The following TMEM165 variants were observed in gnomAD, a reference collection of about 807,000 sequenced individuals.
TMEM165 encodes the protein transmembrane protein 165.
In TMEM165, 19 loss-of-function variants were observed where a neutral mutation model predicts 30.0. The ratio of observed to expected loss-of-function variants is 0.63; its 90% confidence interval spans 0.44 to 0.93. TMEM165 has a LOEUF of 0.93. Ranked by LOEUF, TMEM165 falls within the 40% of genes least tolerant of loss-of-function variation. TMEM165 has a pLI of 0.00. For synonymous variants in TMEM165, 168 were observed against 162.9 expected (o/e 1.03, Z -0.24); for missense variants, 340 against 417.0 (o/e 0.82, Z 1.61).
chr4:55,424,773 T>TAAGA, intron 5 of TMEM165, 130 bp downstream of exon 5: 1 of 658,054 alleles, frequency 1.5e-6, no homozygotes, highest in Non-Finnish European at 2.6e-6. Flanking sequence ...CCATCTCTTA[T>TAAGA]AGAGGTATTA....
intron 3 of TMEM165, chr4:55,442,175 AGT>A: frequency 2.2e-6 from 1 of 456,902 alleles, no homozygotes; most frequent in East Asian, 4.1e-5. Flanking sequence ...CTTTTCTAAC[AGT>A]GTGCTGCAGA....
intron 4 of TMEM165, among the ~76,000 whole-genome samples, chr4:55,420,480 T>C (rs534554269): frequency 6.6e-6 from 1 of 151,952 alleles, no homozygotes; most frequent in East Asian, 2.0e-4. Context: ...CATTTTCTCA[T>C]CCAAAAATGG....
Position 55,420,146 on chromosome 4 carries a change from T to TATATATA in TMEM165, c.792+2161_792+2162insATATATA, listed in dbSNP as rs375498267. Among the ~76,000 whole-genome samples, 296 of 41,352 alleles carry TATATATA rather than the reference T, an allele frequency of 7.2e-3. 21 individuals are homozygous for TATATATA. The highest frequency in any genetic ancestry group is 0.017 in the Middle Eastern group (1 of 58). 27.1% of individuals were successfully genotyped at this position (41,352 alleles called of 152,430 possible). A position where few individuals can be genotyped will look rare whatever the true frequency, so the allele number is the denominator to read the frequency against. On this transcript the variant is annotated intron_variant, in intron 4 of 5. Coordinates refer to ENST00000381334, the MANE Select transcript of TMEM165 (RefSeq NM_018475.5). Reference sequence around the variant, plus strand: ...ACATATATATTTATTTATTTATTTATTTTATTTATTTATTTAATGGCTGTA... The same window carrying TATATATA: ...ACATATATATTTATTTATTTATTTATATATATATTTATTTATTTATTTAATGGCTGTA...
chr4:55,441,108 G>C (rs576164405), intron 3 of TMEM165, among the ~76,000 whole-genome samples: 4 of 152,152 alleles, frequency 2.6e-5, no homozygotes, highest in Non-Finnish European at 5.9e-5. Context: ...CCTTGGGGAA[G>C]GAACGATGCC....
At chr4:55,397,242 T>A (rs1481054065) in intron 1 of TMEM165, 1 of 152,232 alleles carries the variant, frequency 6.6e-6, no homozygotes, top group Non-Finnish European at 1.5e-5. Context: ...TCCCGAACAT[T>A]GAATTCTGCC....
chr4:55,404,119 C>T (rs1721172782), intron 1 of TMEM165, among the ~76,000 whole-genome samples: 1 of 149,972 alleles, frequency 6.7e-6, no homozygotes, highest in African/African-American at 2.5e-5. Flanking sequence ...TCTTGGCACA[C>T]TGCAACCTCA....
At chr4:55,450,832 T>C (rs1724376688) in intron 3 of TMEM165, among the ~76,000 whole-genome samples, 1 of 151,596 alleles carries the variant, frequency 6.6e-6, no homozygotes, top group Admixed American at 6.6e-5. Flanking sequence ...TAAAACTACA[T>C]AACTCTTACA....
chr4:55,447,654 T>A (rs17085729), intron 3 of TMEM165, among the ~76,000 whole-genome samples: 2,572 of 152,258 alleles, frequency 0.017, 69 homozygotes, highest in African/African-American at 0.059. Context: ...AATATCCCCA[T>A]AACATGTTAA....
downstream of TMEM165, chr4:55,427,855 C>T (rs115532203): frequency 6.6e-6 from 1 of 152,074 alleles, no homozygotes; most frequent in African/African-American, 2.4e-5. Flanking sequence ...AGGTAAAAAT[C>T]GCTACTGCAA....
In TMEM165 at chr4:55,417,186, C is replaced by T; in HGVS notation, c.548C>T (p.Pro183Leu). Reference protein sequence around the residue: ...RMLREGLKMSPDEGQEELEEV... With the variant: ...RMLREGLKMSLDEGQEELEEV... The stretch of plus-strand genomic sequence containing the variant: ...CTTCGGGAAGGCTTAAAGATGAGCC[C>T]TGATGAGGGTCAAGAGGAACTGGAA... The change falls in exon 3 of 6, where the codon CCT becomes CTT. Residue 183 changes from proline to leucine, a missense_variant. Around this residue, in one of 2 missense-constraint regions of TMEM165, gnomAD observed 220 missense variants for 307.6 expected, o/e 0.72. Transcript: ENST00000381334. 19 of 1,613,908 alleles carry T rather than the reference C, an allele frequency of 1.2e-5. No homozygotes were observed. Among genetic ancestry groups the T allele is most frequent in the Non-Finnish European group, 1.6e-5 (19 of 1,180,002 alleles).
chr4:55,452,887 A>G (rs1577706443), exon 4 of TMEM165: 1 of 531,782 alleles, frequency 1.9e-6, no homozygotes, highest in Admixed American at 3.3e-5. Flanking sequence ...GAGGCAGGTG[A>G]GACTCTAAAA....
Position 55,403,491 on chromosome 4 carries a change from TC to T in TMEM165, c.207+7096del, listed in dbSNP as rs1460863228. Among the ~76,000 whole-genome samples, 195 of 95,682 alleles carry T rather than the reference TC, an allele frequency of 2.0e-3. 2 individuals are homozygous for T. Among genetic ancestry groups the T allele is most frequent in the Non-Finnish European group, 3.2e-3 (156 of 48,684 alleles). The allele number at this position is 95,682 out of a possible 152,430, so 62.8% of individuals were successfully genotyped here. Reference sequence around the variant, plus strand: ...TACTTTCTAAATGAGGGTGCCTTTTTCTTTTTCTTTTTTTTTTTTTTACAAT... The same window carrying T: ...TACTTTCTAAATGAGGGTGCCTTTTTTTTTTCTTTTTTTTTTTTTTACAAT... On this transcript the variant is annotated intron_variant, in intron 1 of 5. Coordinates refer to ENST00000381334, the MANE Select transcript of TMEM165 (RefSeq NM_018475.5).
Position 55,448,599 on chromosome 4 carries a change from CGCGTGTGTGTGTGTGT to C in TMEM165, c.409-3638_409-3623del, listed in dbSNP as rs1425583887. 7.6e-3 allele frequency among the ~76,000 whole-genome samples: 804 copies of C among 105,660 alleles called. 4 individuals are homozygous for C. Among genetic ancestry groups the C allele is most frequent in the South Asian group, 0.014 (43 of 3,116 alleles). 69.3% of individuals were successfully genotyped at this position (105,660 alleles called of 152,430 possible). ...TTATATATGTGCGCGCGCGCACGCG[CGCGTGTGTGTGTGTGT>C]GTGTGTGTGTGTGTGTGTGTGTGTG... On this transcript the variant is annotated intron_variant, in intron 3 of 3. Transcript: ENST00000608091.
chr4:55,443,635 G>T, intron 3 of TMEM165: 1 of 1,353,546 alleles, frequency 7.4e-7, no homozygotes, highest in Non-Finnish European at 1.1e-6. Context: ...CAGCAATAGT[G>T]TGCCTTCCAA....
chr4:55,412,998 G>C (rs1377859703), intron 2 of TMEM165, among the ~76,000 whole-genome samples: 1 of 151,090 alleles, frequency 6.6e-6, no homozygotes, highest in Non-Finnish European at 1.5e-5. Context: ...TTTTTTTTTA[G>C]AGACTGAGTC....
chr4:55,413,608 C>G (rs1468609966), intron 2 of TMEM165, among the ~76,000 whole-genome samples: 1 of 152,244 alleles, frequency 6.6e-6, no homozygotes, highest in Non-Finnish European at 1.5e-5. Context: ...AGCTACCACG[C>G]CTGGCCCCTG....
At chr4:55,404,168 C>G (rs1392340062) in intron 1 of TMEM165, among the ~76,000 whole-genome samples, 16 of 150,844 alleles carry the variant, frequency 1.1e-4, no homozygotes, top group African/African-American at 3.9e-4. Flanking sequence ...TGCGCCACCA[C>G]GCCTGGCTAT....
chr4:55,412,618 C>A (rs1475392317), intron 2 of TMEM165: 2 of 151,560 alleles, frequency 1.3e-5, no homozygotes, highest in African/African-American at 4.8e-5. Flanking sequence ...TAAATTTTTG[C>A]TTCAAAATTT....
intron 3 of TMEM165, among the ~76,000 whole-genome samples, chr4:55,437,134 G>A (rs181486550): frequency 1.2e-3 from 183 of 152,252 alleles, no homozygotes; most frequent in African/African-American, 4.3e-3. Flanking sequence ...CTAAAAGACT[G>A]TATGACTCTC....
Sources: gnomAD v4.1 joint callset for allele counts (sites outside exome capture counted in the v4.1 genomes callset) on GRCh38, gnomAD v4.1.1 for gene constraint, gnomAD v4.1.1 regional missense constraint, MANE v1.5 for transcripts, NCBI Gene and HGNC (gene_info 2026-07-23, HGNC 2026-07-21) for gene names.